Variants in VPS13B observed in about 807,000 individuals in gnomAD.
VPS13B encodes the protein intermembrane lipid transfer protein VPS13B.
A neutral mutation model predicts 426.4 loss-of-function variants in VPS13B; 285 were observed. The ratio of observed to expected loss-of-function variants is 0.67; its 90% CI spans 0.61 to 0.74. VPS13B has a LOEUF of 0.74. VPS13B is among the 30% of genes least tolerant of loss of function. The pLI is 0.00. For synonymous variants in VPS13B, 1,676 were observed against 1,676.4 expected, an observed-to-expected ratio of 1.00 and a Z score of 0.01; for missense variants, 4,537 against 4,782.6, an observed-to-expected ratio of 0.95 and a Z score of 1.51.
At chr8:99,361,795 T>A (rs934298533) in intron 19 of VPS13B, among the ~76,000 whole-genome samples, 1 of 152,208 alleles carries the variant, frequency 6.6e-6, no homozygotes, top group Non-Finnish European at 1.5e-5. Flanking sequence ...CCATGTAATT[T>A]TTTATCTAAG....
rs940363855 is a variant in VPS13B, at chr8:99,683,311, A to G, written c.6047-16214A>G. On this transcript the variant is annotated intron_variant, in intron 35 of 61. Coordinates refer to ENST00000357162, the MANE Select transcript of VPS13B (RefSeq NM_152564.5). The stretch of plus-strand genomic sequence containing the variant: ...CCTCCAATGTTGTTATTCTTTCTCA[A>G]AAATGTTTTGGTTATTCTTGTTCCT... Among the ~76,000 whole-genome samples the G allele has an allele frequency of 4.6e-5, 7 of 152,282 alleles. No individual in the cohort carries two copies. In the South Asian group the frequency reaches 8.3e-4, roughly 18 times the overall value.
At chr8:99,051,809 A>G (rs1843570776) in intron 3 of VPS13B, among the ~76,000 whole-genome samples, 1 of 152,018 alleles carries the variant, frequency 6.6e-6, no homozygotes, top group Non-Finnish European at 1.5e-5. Flanking sequence ...ATGGGAGTTC[A>G]CTCATTATTT....
At chr8:99,089,439 C>T (rs918045837) in intron 3 of VPS13B, among the ~76,000 whole-genome samples, 1 of 152,092 alleles carries the variant, frequency 6.6e-6, no homozygotes, top group African/African-American at 2.4e-5. Context: ...CAGGCTACAC[C>T]TTGGTTTTGT....
intron 35 of VPS13B, chr8:99,697,089 C>T (rs553897218): frequency 6.8e-5 from 36 of 529,998 alleles, no homozygotes; most frequent in East Asian, 5.2e-4. Flanking sequence ...CTGTCCCAGA[C>T]GATGTACCTC....
intron 19 of VPS13B, among the ~76,000 whole-genome samples, chr8:99,314,516 G>A (rs750512463): frequency 1.1e-4 from 16 of 152,098 alleles, no homozygotes; most frequent in Admixed American, 2.0e-4. Context: ...CTGAGAGTAG[G>A]GTATTGAAGT....
chr8:99,816,367 G>T (rs1204284519), intron 44 of VPS13B, among the ~76,000 whole-genome samples: 1 of 152,134 alleles, frequency 6.6e-6, no homozygotes, highest in Non-Finnish European at 1.5e-5. Context: ...CTCCCAAACT[G>T]CTGGGATTAC....
chr8:99,395,927 A>G (rs147217376), intron 21 of VPS13B, among the ~76,000 whole-genome samples: 1 of 152,324 alleles, frequency 6.6e-6, no homozygotes, highest in African/African-American at 2.4e-5. Flanking sequence ...TCAATTCTAC[A>G]GATGAAAAAT....
At chr8:99,558,962 C>A (rs1409644883) in intron 31 of VPS13B, among the ~76,000 whole-genome samples, 1 of 152,182 alleles carries the variant, frequency 6.6e-6, no homozygotes, top group African/African-American at 2.4e-5. Context: ...ATTTCTAGTT[C>A]TAGATCCTTG....
At chr8:99,737,020 A>G (rs1444381491) in intron 39 of VPS13B, among the ~76,000 whole-genome samples, 1 of 149,544 alleles carries the variant, frequency 6.7e-6, no homozygotes, top group African/African-American at 2.5e-5. Context: ...TCTTAACTGC[A>G]GGGATGGATA....
chr8:99,673,981 G>T (rs1229862351), intron 35 of VPS13B, among the ~76,000 whole-genome samples: 4 of 151,974 alleles, frequency 2.6e-5, no homozygotes. Context: ...TACTATGATT[G>T]CAGTCTTCTT....
At position 99,564,181 on chromosome 8, in the gene VPS13B, A is replaced by AT. The variant is rs541664529; in HGVS notation, c.4949+7537dup. Among the ~76,000 whole-genome samples, 138 of 151,778 alleles carry AT rather than the reference A, an allele frequency of 9.1e-4. 2 individuals carry two copies. In the South Asian group the frequency reaches 0.015, roughly 17 times the overall value. On this transcript the variant is annotated intron_variant, in intron 31 of 61. Transcript: ENST00000357162. ...AAGATCTTCTGTTCCTAAAACCTTAATTTTTTTTTATTCCAAAGGAATATA... is the reference window on the plus strand; with the variant it reads ...AAGATCTTCTGTTCCTAAAACCTTAATTTTTTTTTTATTCCAAAGGAATATA...
intron 3 of VPS13B, among the ~76,000 whole-genome samples, chr8:99,094,777 T>A (rs1419175611): frequency 1.3e-5 from 2 of 152,130 alleles, no homozygotes; most frequent in African/African-American, 2.4e-5. Flanking sequence ...GCTCTTGAAA[T>A]TTTCCCTTCA....
At chr8:99,770,025 G>A (rs947523704) in intron 40 of VPS13B, among the ~76,000 whole-genome samples, 2 of 152,062 alleles carry the variant, frequency 1.3e-5, no homozygotes, top group Non-Finnish European at 1.5e-5. Context: ...CAAGCAAAAC[G>A]GTGCATGCCT....
chr8:99,497,686 TAGTAGCAAAACTCTTGTC>T (rs1373129633), intron 25 of VPS13B, among the ~76,000 whole-genome samples: 2 of 152,112 alleles, frequency 1.3e-5, no homozygotes, highest in African/African-American at 4.8e-5. Context: ...GAGTTTGCTG[TAGTAGCAAAACTCTTGTC>T]AGTTTTTCAG....
intron 6 of VPS13B, among the ~76,000 whole-genome samples, chr8:99,112,063 A>G (rs1204823001): frequency 1.3e-5 from 2 of 152,178 alleles, no homozygotes; most frequent in African/African-American, 2.4e-5. Context: ...CTTTTGATAC[A>G]TGTGAAAATT....
At chr8:99,447,675 T>C (rs1325989994) in intron 23 of VPS13B, among the ~76,000 whole-genome samples, 1 of 152,146 alleles carries the variant, frequency 6.6e-6, no homozygotes, top group African/African-American at 2.4e-5. Flanking sequence ...TAAGAAGATA[T>C]CATTTGGTGT....
At chr8:99,100,650 ATT>A (rs1276433138) in intron 4 of VPS13B, among the ~76,000 whole-genome samples, 1 of 152,112 alleles carries the variant, frequency 6.6e-6, no homozygotes, top group Non-Finnish European at 1.5e-5. Flanking sequence ...TAAAATACAT[ATT>A]GTGTTTTGTT....
chr8:99,624,452 G>A (rs1828514746), intron 33 of VPS13B, among the ~76,000 whole-genome samples: 1 of 152,056 alleles, frequency 6.6e-6, no homozygotes, highest in African/African-American at 2.4e-5. Flanking sequence ...GGTGAATAAT[G>A]GTTGCATCAT....
chr8:99,375,827 G>C (rs1487258491), intron 19 of VPS13B, among the ~76,000 whole-genome samples: 1 of 152,176 alleles, frequency 6.6e-6, no homozygotes, highest in Non-Finnish European at 1.5e-5. Context: ...TAACAACTTA[G>C]ATGTAAATTA....
Sources: allele counts gnomAD v4.1 joint callset (sites outside exome capture counted in the v4.1 genomes callset), GRCh38; gene constraint gnomAD v4.1.1; transcripts MANE v1.5; gene names NCBI Gene and HGNC (gene_info 2026-07-23, HGNC 2026-07-21).